RC3H1: variants seen among roughly 807,000 people sequenced by gnomAD.
RC3H1 encodes ring finger and CCCH-type domains 1.
RC3H1 carries 50 observed loss-of-function variants against 138.2 expected under a neutral mutation model. The ratio of observed to expected loss-of-function variants is 0.36; its 90% CI spans 0.29 to 0.46. The LOEUF is 0.46. RC3H1 is among the 20% of genes least tolerant of loss of function. The pLI, the probability that RC3H1 is intolerant of heterozygous loss-of-function variation, is 1.00. For missense variants in RC3H1, 1,031 were observed against 1,388.1 expected (o/e 0.74, Z 4.09); for synonymous variants, 462 against 489.1 (o/e 0.94, Z 0.73).
chr1:174,006,690 A>T (rs1364025098), intron 1 of RC3H1, among the ~76,000 whole-genome samples: 1 of 152,136 alleles, frequency 6.6e-6, no homozygotes, highest in Non-Finnish European at 1.5e-5. Flanking sequence ...TTAAGTAGGA[A>T]CTCTGGAACT....
chr1:173,951,919 G>C, intron 14 of RC3H1, 67 bp downstream of exon 14: 1 of 1,440,828 alleles, frequency 6.9e-7, no homozygotes, highest in Non-Finnish European at 9.3e-7. Flanking sequence ...TGCCTAAATG[G>C]TAATGGGTAA....
At chr1:173,986,890 G>C (rs566321936) in intron 2 of RC3H1, among the ~76,000 whole-genome samples, 11 of 152,200 alleles carry the variant, frequency 7.2e-5, no homozygotes, top group South Asian at 2.1e-4. Flanking sequence ...GCTCCTCTTG[G>C]CTTGGACACT....
In RC3H1 at chr1:173,965,100, C is replaced by A; in HGVS notation, c.1355G>T (p.Arg452Leu). 6.2e-7 allele frequency: 1 copy of A among 1,609,512 alleles called. No individual in the cohort carries two copies. The highest frequency in any genetic ancestry group is 8.5e-7 in the Non-Finnish European group (1 of 1,178,398). ...ACTCAAGGGTCTTCTCGGAACCAGG[C>A]GCTTATTCATTTTACGAAATCTATA... is the stretch of plus-strand genomic sequence containing the variant. ...ELEKFRKMNK[R>L]LVPRRPLSAS... is the part of the protein sequence containing the mutation. Residue 452 changes from arginine to leucine, a missense_variant, in exon 10 of 20, where the codon CGC becomes CTC. This residue lies in a region of RC3H1 where 142 missense variants were observed against 224.6 expected (regional missense o/e 0.63). Coordinates refer to ENST00000367696, the MANE Select transcript of RC3H1 (RefSeq NM_172071.4).
rs755660850 is a variant in RC3H1 at position 173,970,541 on chromosome 1, C to T, written c.1298G>A (p.Ser433Asn). 6.2e-7 allele frequency: 1 copy of T among 1,613,790 alleles called. No homozygotes were observed. Residue 433 changes from serine to asparagine, a missense_variant, in exon 9 of 20, where the codon AGC becomes AAC. This residue lies in a region of RC3H1 where 142 missense variants were observed against 224.6 expected (regional missense o/e 0.63). Coordinates refer to ENST00000367696, the MANE Select transcript of RC3H1 (RefSeq NM_172071.4). ...CTCCTGTGAGTGTGCAAATGTACAG[C>T]TGGCCCCACGAGGGCATCCTCCTCT... ...KQRGGCPRGA[S>N]CTFAHSQEEL...
intron 1 of RC3H1, among the ~76,000 whole-genome samples, chr1:174,014,910 A>G (rs1661833330): frequency 6.6e-6 from 1 of 152,162 alleles, no homozygotes; most frequent in African/African-American, 2.4e-5. Flanking sequence ...TACAAACATA[A>G]TTTTCCCACA....
chr1:173,996,006 C>T (rs1356599876), intron 1 of RC3H1, among the ~76,000 whole-genome samples: 1 of 152,166 alleles, frequency 6.6e-6, no homozygotes, highest in Non-Finnish European at 1.5e-5. Context: ...GTAATCCCAG[C>T]ACTTTGGGAG....
rs1475449150 is a variant in RC3H1, at chr1:173,946,751, A to T, written c.2823T>A (p.Ser941Arg). Residue 941 changes from serine to arginine, a missense_variant, in exon 16 of 20, where the codon AGT (serine) becomes AGA (arginine). Ser to Arg is a moderately radical substitution (Grantham distance 110). Transcript: ENST00000367696. Reference sequence around the variant, plus strand: ...GTAAAAAGAATGACTCATACCTCTCACTGAAGTGTCCCTGAGAAGGTATGT... The same window carrying T: ...GTAAAAAGAATGACTCATACCTCTCTCTGAAGTGTCCCTGAGAAGGTATGT... ...HQNIPSQGHF[S>R]ERERISMSEV... 6.2e-7 allele frequency: 1 copy of T among 1,612,818 alleles called. No homozygotes were observed. Among genetic ancestry groups the T allele is most frequent in the South Asian group, 1.1e-5 (1 of 91,036 alleles).
chr1:173,967,480 G>A (rs562049289), intron 9 of RC3H1, among the ~76,000 whole-genome samples: 2 of 152,156 alleles, frequency 1.3e-5, no homozygotes, highest in African/African-American at 2.4e-5. Flanking sequence ...GAAGAAAAAC[G>A]TCTTTCAAAA....
In RC3H1 at chr1:173,938,101, G is replaced by T. The variant is rs962814712; in HGVS notation, c.*620C>A. The T allele has an allele frequency of 7.2e-5, 11 of 152,100 alleles. No individual in the cohort carries two copies. Among genetic ancestry groups the T allele is most frequent in the African/African-American group, 2.4e-4 (10 of 41,418 alleles). 9.4% of individuals were successfully genotyped at this position (152,100 alleles called of 1,614,324 possible). On this transcript the variant is annotated 3_prime_UTR_variant, in exon 20 of 20. Transcript: ENST00000367696. ...AGCTTCAATGTCAAGAAAAATATAC[G>T]TATCCAATGAAGCTAGTGATCTAGA...
At chr1:173,962,151 T>C (rs1659915045) in intron 11 of RC3H1, 56 bp from the exon 12 acceptor site, 2 of 1,485,690 alleles carry the variant, frequency 1.3e-6, no homozygotes, top group East Asian at 2.3e-5. Context: ...TAGTTTTCTA[T>C]GTAAGATTTT....
intron 1 of RC3H1, among the ~76,000 whole-genome samples, chr1:173,996,183 G>A (rs1333278353): frequency 6.6e-6 from 1 of 152,114 alleles, no homozygotes; most frequent in Non-Finnish European, 1.5e-5. Context: ...GAACCCGGGA[G>A]GGGGAGGTTG....
intron 9 of RC3H1, among the ~76,000 whole-genome samples, chr1:173,966,807 T>G (rs1487590513): frequency 6.6e-6 from 1 of 152,192 alleles, no homozygotes; most frequent in African/African-American, 2.4e-5. Context: ...CTGACAAATT[T>G]CTGAGGTTGG....
chr1:173,990,725 C>A (rs1285730918), intron 2 of RC3H1, among the ~76,000 whole-genome samples: 1 of 151,866 alleles, frequency 6.6e-6, no homozygotes, highest in Non-Finnish European at 1.5e-5. Context: ...GCCTCGGCCT[C>A]CCAAGTAGCT....
Position 173,961,851 on chromosome 1 carries a change from T to C in RC3H1, c.2076A>G (p.Ile692Met), listed in dbSNP as rs781227973. The C allele has an allele frequency of 1.2e-6, 2 of 1,613,976 alleles. No homozygotes were observed. Among genetic ancestry groups the C allele is most frequent in the African/African-American group, 2.7e-5 (2 of 74,912 alleles). Reference protein sequence around the residue: ...TREEIFRESPIPIEIPPAAVP... With the variant: ...TREEIFRESPMPIEIPPAAVP... ...CTGCTGCAGGTGGAATCTCAATGGG[T>C]ATAGGGCTTTCTCGGAATATCTCTT... Residue 692 changes from isoleucine to methionine, a missense_variant, in exon 12 of 20, where the codon ATA (isoleucine) becomes ATG (methionine). This residue lies in a region of RC3H1 where 716 missense variants were observed against 837.9 expected (regional missense o/e 0.85). Transcript: ENST00000367696.
chr1:173,992,408 A>T (rs1200277695), intron 2 of RC3H1, among the ~76,000 whole-genome samples: 1 of 152,104 alleles, frequency 6.6e-6, no homozygotes, highest in Non-Finnish European at 1.5e-5. Flanking sequence ...TGGCCCTCCC[A>T]AAGTGCTGGG....
Position 173,933,600 on chromosome 1 carries a change from T to C in RC3H1, c.*5121A>G, listed in dbSNP as rs1658470137. 1 of 152,148 alleles carries C rather than the reference T, an allele frequency of 6.6e-6. No individual in the cohort carries two copies. The highest frequency in any genetic ancestry group is 2.4e-5 in the African/African-American group (1 of 41,450). 9.4% of individuals were successfully genotyped at this position (152,148 alleles called of 1,614,324 possible). ...CTTGAAGTGGCTCAGAAAAGCTAAA[T>C]TGAGAAAATGTTTAATAGTAACTAT... On this transcript the variant is annotated 3_prime_UTR_variant, in exon 20 of 20. Transcript: ENST00000367696.
At chr1:174,012,882 C>T (rs1296932381) in intron 1 of RC3H1, among the ~76,000 whole-genome samples, 2 of 151,366 alleles carry the variant, frequency 1.3e-5, no homozygotes, top group African/African-American at 4.8e-5. Flanking sequence ...GAGATCTGCA[C>T]ACCTCTGCTA....
At chr1:173,974,923 G>C (rs1442919277) in intron 7 of RC3H1, among the ~76,000 whole-genome samples, 2 of 152,152 alleles carry the variant, frequency 1.3e-5, no homozygotes, top group African/African-American at 4.8e-5. Flanking sequence ...TAAAGGTAGG[G>C]CCTACAGAAT....
At position 173,980,678 on chromosome 1, in the gene RC3H1, G is replaced by A. The variant is rs563847446; in HGVS notation, c.969+131C>T. The A allele has an allele frequency of 1.8e-4, 98 of 534,274 alleles. No homozygotes were observed. The Middle Eastern group carries it at 2.1e-3, about 12-fold the overall frequency. 33.1% of individuals were successfully genotyped at this position (534,274 alleles called of 1,614,324 possible). A position where few individuals can be genotyped will look rare whatever the true frequency, so the allele number is the denominator to read the frequency against. On this transcript the variant is annotated intron_variant, in intron 6 of 19. Coordinates refer to ENST00000367696, the MANE Select transcript of RC3H1 (RefSeq NM_172071.4). The stretch of plus-strand genomic sequence containing the variant: ...ACAAAGTGGTATTATAACGTGATTG[G>A]TTATGACATGACACTGGCTATAAAT...
Sources: allele counts gnomAD v4.1 joint callset (sites outside exome capture counted in the v4.1 genomes callset), GRCh38; gene constraint gnomAD v4.1.1; regional missense constraint gnomAD v4.1.1; transcripts MANE v1.5; gene names NCBI Gene and HGNC (gene_info 2026-07-23, HGNC 2026-07-21).